Variants in CCNI observed in about 807,000 individuals in gnomAD.
CCNI encodes cyclin I.
CCNI carries 14 observed loss-of-function variants against 34.1 expected under a neutral mutation model. That is an observed-to-expected ratio of 0.41 (90% confidence interval 0.27 to 0.64). The LOEUF is 0.64. CCNI is among the 30% of genes least tolerant of loss of function. CCNI has a pLI of 0.31. For missense variants in CCNI, 385 were observed against 440.5 expected (o/e 0.87, Z 1.13); for synonymous variants, 154 against 158.4 (o/e 0.97, Z 0.21).
chr4:77,052,478 A>C (rs1407625962), intron 6 of CCNI, among the ~76,000 whole-genome samples: 5 of 152,114 alleles, frequency 3.3e-5, no homozygotes, highest in Non-Finnish European at 7.4e-5. Context: ...GTGGCGCAAG[A>C]GCTTAAGGGG....
chr4:77,065,389 G>T (rs1728955936), intron 2 of CCNI, among the ~76,000 whole-genome samples: 1 of 152,168 alleles, frequency 6.6e-6, no homozygotes, highest in Non-Finnish European at 1.5e-5. Flanking sequence ...TAAACTTTTG[G>T]AGTGGATAAA....
chr4:77,075,572 T>A lies in CCNI; in HGVS notation c.-144A>T, dbSNP rs1000136644. The A allele has an allele frequency of 1.0e-6, 1 of 987,936 alleles. No homozygotes were observed. The highest frequency in any genetic ancestry group is 1.7e-5 in the African/African-American group (1 of 57,230). 61.2% of individuals were successfully genotyped at this position (987,936 alleles called of 1,614,324 possible). ...GGGGCCCGTTACCACCTCATTCTCA[T>A]AGGCGCGCGGAGGCGGTGCGCGCGG... On this transcript the variant is annotated 5_prime_UTR_variant, in exon 1 of 7. The change abolishes an upstream ATG in the 5' untranslated region. Coordinates refer to ENST00000237654, the MANE Select transcript of CCNI (RefSeq NM_006835.3).
At chr4:77,063,558 C>T (rs972637918) in intron 2 of CCNI, among the ~76,000 whole-genome samples, 14 of 151,468 alleles carry the variant, frequency 9.2e-5, no homozygotes, top group East Asian at 1.9e-4. Context: ...GGCGTTGTGG[C>T]GGGCGCCTGT....
At chr4:77,053,654 A>C (rs2110012146) in intron 6 of CCNI, among the ~76,000 whole-genome samples, 1 of 152,310 alleles carries the variant, frequency 6.6e-6, no homozygotes, top group Non-Finnish European at 1.5e-5. Context: ...TCTTGAGAGT[A>C]AGCACAGAGA....
chr4:77,065,755 C>T (rs967198160), intron 2 of CCNI, among the ~76,000 whole-genome samples: 2 of 152,178 alleles, frequency 1.3e-5, no homozygotes, highest in African/African-American at 4.8e-5. Context: ...CAAACAAAAA[C>T]AGTTAACTCT....
At chr4:77,063,429 T>C (rs1468683156) in intron 2 of CCNI, among the ~76,000 whole-genome samples, 3 of 145,136 alleles carry the variant, frequency 2.1e-5, no homozygotes, top group Non-Finnish European at 4.5e-5. Flanking sequence ...CTGGGTGCGG[T>C]GGCTCATGCC....
chr4:77,055,057 C>T, intron 6 of CCNI, 93 bp downstream of exon 6: 4 of 780,296 alleles, frequency 5.1e-6, no homozygotes, highest in Non-Finnish European at 8.4e-6. Context: ...TTTGCCATTA[C>T]AACATGAGAA....
rs529636208 is a variant in CCNI, at chr4:77,069,150, C to T, written c.-43-2745G>A. On this transcript the variant is annotated intron_variant, in intron 1 of 6. Transcript: ENST00000237654. ...ATAAATTCCTGGCCAGGCGCAGCGG[C>T]TCCGGCCTGTAATCCTTGCACTTTC... Among the ~76,000 whole-genome samples, 38 of 152,344 alleles carry T rather than the reference C, an allele frequency of 2.5e-4. No individual in the cohort carries two copies. The South Asian group carries it at 7.0e-3, about 28-fold the overall frequency.
intron 1 of CCNI, among the ~76,000 whole-genome samples, chr4:77,068,584 C>T (rs773822116): frequency 3.9e-5 from 6 of 152,058 alleles, no homozygotes; most frequent in South Asian, 2.1e-4. Context: ...AAAGGCCTAG[C>T]GTAGGAGAAT....
intron 1 of CCNI, among the ~76,000 whole-genome samples, chr4:77,068,787 C>T (rs1383125385): frequency 6.8e-6 from 1 of 146,846 alleles, no homozygotes; most frequent in Non-Finnish European, 1.5e-5. Context: ...CAAACCACTT[C>T]TTTAATTTCC....
intron 1 of CCNI, among the ~76,000 whole-genome samples, chr4:77,074,394 T>C (rs1032130957): frequency 1.3e-4 from 20 of 152,338 alleles, no homozygotes; most frequent in African/African-American, 2.6e-4. Context: ...TGTCCAATCC[T>C]TTCTATTTCA....
At chr4:77,064,403 C>A (rs1426157250) in intron 2 of CCNI, among the ~76,000 whole-genome samples, 1 of 152,084 alleles carries the variant, frequency 6.6e-6, no homozygotes, top group East Asian at 1.9e-4. Context: ...AATGGTCCTA[C>A]AAGCAGCTAT....
At chr4:77,067,487 A>G (rs533443858) in intron 1 of CCNI, among the ~76,000 whole-genome samples, 1 of 152,010 alleles carries the variant, frequency 6.6e-6, no homozygotes, top group Non-Finnish European at 1.5e-5. Flanking sequence ...AAATGTCTCT[A>G]GGTTTTATGT....
At position 77,048,225 on chromosome 4, in the gene CCNI, G is replaced by T; in HGVS notation, c.1128C>A (p.Val376=). 1 of 1,612,402 alleles carries T rather than the reference G, an allele frequency of 6.2e-7. No homozygotes were observed. ...AAGGTAGCACTTGTTGAAACTACATGACAGAAACAGGCTGCAAAGGTGGAC... is the reference window on the plus strand; with the variant it reads ...AAGGTAGCACTTGTTGAAACTACATTACAGAAACAGGCTGCAAAGGTGGAC... ...SPCPPLQPVS[V]M is the part of the protein sequence containing the mutation. The change falls in exon 7 of 7, where the codon GTC becomes GTA. Residue 376 remains valine (V), a synonymous_variant. Transcript: ENST00000237654.
In CCNI at chr4:77,058,565, T is replaced by A. The variant is rs1348698381; in HGVS notation, c.185A>T (p.Tyr62Phe). 7 of 1,613,300 alleles carry A rather than the reference T, an allele frequency of 4.3e-6. No individual in the cohort carries two copies. The highest frequency in any genetic ancestry group is 5.9e-6 in the Non-Finnish European group (7 of 1,179,466). Residue 62 changes from tyrosine (Y) to phenylalanine (F), a missense_variant, in exon 3 of 7, where the codon TAC becomes TTC. Physicochemically the swap from Tyr to Phe is conservative, Grantham distance 22. Coordinates refer to ENST00000237654, the MANE Select transcript of CCNI (RefSeq NM_006835.3). ...LAKLKYQFNL[Y>F]PETFALASSL... Reference sequence around the variant, plus strand: ...GCTAGCCAGAGCAAATGTTTCTGGGTAAAGGTTGAATTGGTACTTGAGTTT... The same window carrying A: ...GCTAGCCAGAGCAAATGTTTCTGGGAAAAGGTTGAATTGGTACTTGAGTTT...
intron 1 of CCNI, among the ~76,000 whole-genome samples, chr4:77,073,804 A>G (rs1729672407): frequency 6.6e-6 from 1 of 152,184 alleles, no homozygotes; most frequent in Non-Finnish European, 1.5e-5. Context: ...CTATTGGTAA[A>G]CTTGCCTTTC....
Position 77,048,788 on chromosome 4 carries a change from C to A in CCNI, c.691-126G>T, listed in dbSNP as rs113425513. On this transcript the variant is annotated intron_variant, in intron 6 of 6. Coordinates refer to ENST00000237654, the MANE Select transcript of CCNI (RefSeq NM_006835.3). The stretch of plus-strand genomic sequence containing the variant: ...CCCCGCTGAGTCTTTTCTCTCCCCA[C>A]ATCTACCTCCAACTCATTTATTTAT... 1.2e-3 allele frequency: 647 copies of A among 541,078 alleles called. 3 individuals are homozygous for A. The highest frequency in any genetic ancestry group is 0.011 in the African/African-American group (589 of 53,850). The allele number at this position is 541,078 out of a possible 1,614,324, so 33.5% of individuals were successfully genotyped here. A position where few individuals can be genotyped will look rare whatever the true frequency, so the allele number is the denominator to read the frequency against.
At chr4:77,074,359 T>C (rs889831470) in intron 1 of CCNI, among the ~76,000 whole-genome samples, 35 of 152,206 alleles carry the variant, frequency 2.3e-4, no homozygotes, top group Non-Finnish European at 5.9e-5. Flanking sequence ...CTACATCTAT[T>C]CCGTCCATTA....
chr4:77,070,563 T>C (rs1050133928), intron 1 of CCNI, among the ~76,000 whole-genome samples: 1 of 151,990 alleles, frequency 6.6e-6, no homozygotes, highest in South Asian at 2.1e-4. Context: ...TGTTATATTC[T>C]ATCCCTGTTG....
Sources: gnomAD v4.1 joint callset for allele counts (sites outside exome capture counted in the v4.1 genomes callset) on GRCh38, gnomAD v4.1.1 for gene constraint, MANE v1.5 for transcripts, NCBI Gene and HGNC (gene_info 2026-07-23, HGNC 2026-07-21) for gene names.